The following PCDHGA6 variants were observed in gnomAD, a reference collection of about 807,000 sequenced individuals.
PCDHGA6 encodes the protein protocadherin gamma subfamily A, 6, also known as protocadherin gamma-A6.
Under a neutral mutation model 60.6 loss-of-function variants are expected in PCDHGA6, and 41 were observed. The ratio of observed to expected loss-of-function variants is 0.68; its 90% CI spans 0.53 to 0.88. PCDHGA6 has a LOEUF of 0.88. Ranked by LOEUF, PCDHGA6 falls within the 40% of genes least tolerant of loss-of-function variation. The pLI is 0.00. For synonymous variants in PCDHGA6, 594 were observed against 524.4 expected, an observed-to-expected ratio of 1.13 and a Z score of -1.81; for missense variants, 1,312 against 1,203.0, an observed-to-expected ratio of 1.09 and a Z score of -1.34.
At chr5:141,447,244 A>G (rs1475037979) in intron 1 of PCDHGA6, among the ~76,000 whole-genome samples, 1 of 152,062 alleles carries the variant, frequency 6.6e-6, no homozygotes, top group South Asian at 2.1e-4. Flanking sequence ...GGTTCAAGTG[A>G]TTCTTCTGTC....
intron 1 of PCDHGA6, chr5:141,389,055 A>T: frequency 6.2e-7 from 1 of 1,613,996 alleles, no homozygotes; most frequent in Middle Eastern, 1.6e-4. Flanking sequence ...TGTTCCATTT[A>T]AAATATTAAC....
At chr5:141,408,675 C>T (rs574868088) in intron 1 of PCDHGA6, 14 of 1,613,950 alleles carry the variant, frequency 8.7e-6, no homozygotes, top group Admixed American at 8.3e-5. Flanking sequence ...GACCCTGCCA[C>T]GGATCCTGAT....
rs779538880 is a variant in PCDHGA6, at chr5:141,376,169, G to A, written c.2086G>A (p.Ala696Thr). ...GGACCTCACTCTGTACCTGGTGGTG[G>A]CGGTGGCCGCGGTCTCCTGCGTCTT... ...DSDLTLYLVV[A>T]VAAVSCVFLA... Residue 696 changes from alanine to threonine, a missense_variant, in exon 1 of 4, where the codon GCG becomes ACG. Physicochemically the swap from Ala to Thr is moderately conservative, Grantham distance 58 (BLOSUM62 0). Coordinates refer to ENST00000517434, the MANE Select transcript of PCDHGA6 (RefSeq NM_018919.3). 6 of 1,614,106 alleles carry A rather than the reference G, an allele frequency of 3.7e-6. No individual in the cohort carries two copies. The highest frequency in any genetic ancestry group is 2.7e-5 in the African/African-American group (2 of 75,064).
chr5:141,486,166 G>A lies in PCDHGA6; in HGVS notation c.2425-8641G>A. ...GCGATGGGGGTTCTCCAGCCATGGA[G>A]CAACATTGCAGCCTTCGAGTGGATC... On this transcript the variant is annotated intron_variant, in intron 1 of 3. Coordinates refer to ENST00000517434, the MANE Select transcript of PCDHGA6 (RefSeq NM_018919.3). The surrounding 1 kb of genome is among the most constrained non-coding windows in gnomAD (Gnocchi z 5.0). The A allele has an allele frequency of 2.5e-6, 4 of 1,614,224 alleles. No individual in the cohort carries two copies. The highest frequency in any genetic ancestry group is 3.4e-6 in the Non-Finnish European group (4 of 1,180,040).
At chr5:141,482,667 G>C (rs2099569914) in intron 1 of PCDHGA6, among the ~76,000 whole-genome samples, 1 of 151,094 alleles carries the variant, frequency 6.6e-6, no homozygotes, top group Admixed American at 6.6e-5. Context: ...ATGATCTAAA[G>C]GTTGAGTAGT....
chr5:141,487,109 G>A lies in PCDHGA6; in HGVS notation c.2425-7698G>A. 2 of 1,614,122 alleles carry A rather than the reference G, an allele frequency of 1.2e-6. No homozygotes were observed. Among genetic ancestry groups the A allele is most frequent in the Non-Finnish European group, 1.7e-6 (2 of 1,180,004 alleles). ...CCTCCCACCACAGAAGCTGGTCATTGTGGTAAAGGATAGTGGTAGTCCACC... is the reference window on the plus strand; with the variant it reads ...CCTCCCACCACAGAAGCTGGTCATTATGGTAAAGGATAGTGGTAGTCCACC... On this transcript the variant is annotated intron_variant, in intron 1 of 3. Transcript: ENST00000517434. This position sits in a 1 kb window ranked among gnomAD's most constrained non-coding sequence, Gnocchi z 5.0.
chr5:141,492,695 A>G (rs925499358), intron 1 of PCDHGA6, among the ~76,000 whole-genome samples: 14 of 152,214 alleles, frequency 9.2e-5, no homozygotes, highest in African/African-American at 3.1e-4. Context: ...CGACCCCTCA[A>G]CCCAGAAGCC....
intron 1 of PCDHGA6, chr5:141,409,447 AC>A (rs779658060): frequency 1.4e-4 from 222 of 1,613,890 alleles, no homozygotes; most frequent in Non-Finnish European, 1.8e-4. Context: ...GAGAGCAGAC[AC>A]CAGAATACAA....
intron 1 of PCDHGA6, among the ~76,000 whole-genome samples, chr5:141,425,471 T>A (rs2096877403): frequency 6.6e-6 from 1 of 152,218 alleles, no homozygotes; most frequent in African/African-American, 2.4e-5. Flanking sequence ...TGTTATTAAT[T>A]CCTATGGCAA....
intron 1 of PCDHGA6, among the ~76,000 whole-genome samples, chr5:141,444,029 A>T (rs977610555): frequency 2.6e-5 from 4 of 152,164 alleles, no homozygotes; most frequent in African/African-American, 9.7e-5. Flanking sequence ...AAAGGAATTC[A>T]GTAAATCAGA....
intron 1 of PCDHGA6, chr5:141,413,386 GTC>G: frequency 6.2e-7 from 1 of 1,614,002 alleles, no homozygotes; most frequent in Non-Finnish European, 8.5e-7. Context: ...AGTCCGCATA[GTC>G]TCCAGAGGTA....
intron 1 of PCDHGA6, chr5:141,420,535 T>C (rs1322301404): frequency 6.2e-6 from 2 of 321,930 alleles, no homozygotes; most frequent in African/African-American, 4.3e-5. Flanking sequence ...CGGTTAAAAA[T>C]ATAAAATACA....
chr5:141,403,687 G>A, intron 1 of PCDHGA6: 1 of 1,613,872 alleles, frequency 6.2e-7, no homozygotes, highest in East Asian at 2.2e-5. Context: ...TTGCTCAACG[G>A]ATTTACCGAG....
chr5:141,495,103 C>T (rs1383918796), intron 2 of PCDHGA6, among the ~76,000 whole-genome samples: 2 of 152,132 alleles, frequency 1.3e-5, no homozygotes, highest in Non-Finnish European at 2.9e-5. Context: ...TCGCCACGAC[C>T]GGCACCTTTT....
Position 141,431,072 on chromosome 5 carries a change from A to G in PCDHGA6, c.2424+54565A>G. On this transcript the variant is annotated intron_variant, in intron 1 of 3. Transcript: ENST00000517434. The surrounding 1 kb of genome is among the most constrained non-coding windows in gnomAD (Gnocchi z 4.8). ...TATGGGGGCCATCAAGTGTCAATTA[A>G]ATCTAGACATTCTGATGGAGGATAA... is the stretch of plus-strand genomic sequence containing the variant. 1 of 1,614,220 alleles carries G rather than the reference A, an allele frequency of 6.2e-7. No individual in the cohort carries two copies. Among genetic ancestry groups the G allele is most frequent in the Non-Finnish European group, 8.5e-7 (1 of 1,180,012 alleles).
At chr5:141,468,701 C>A (rs1186497330) in intron 1 of PCDHGA6, 2 of 151,628 alleles carry the variant, frequency 1.3e-5, no homozygotes, top group African/African-American at 2.4e-5. Flanking sequence ...CCCGTCTCTA[C>A]TAAAAATATA....
chr5:141,379,132 AG>A (rs1236158161), intron 1 of PCDHGA6: 1 of 152,236 alleles, frequency 6.6e-6, no homozygotes, highest in East Asian at 1.9e-4. Flanking sequence ...AAAATAAATG[AG>A]AACCTCCTTT....
rs1285420674 is a variant in PCDHGA6 at position 141,409,726 on chromosome 5, C to G, written c.2424+33219C>G. The G allele has an allele frequency of 1.9e-6, 3 of 1,612,982 alleles. No homozygotes were observed. The Admixed American group carries it at 5.0e-5, about 27-fold the overall frequency. On this transcript the variant is annotated intron_variant, in intron 1 of 3. Transcript: ENST00000517434. ...CGGTGTCGTCATACGTGTCAGTGAG[C>G]GCGCAGAGCGGGGTGGTGTTCGCGC...
intron 1 of PCDHGA6, chr5:141,414,054 G>T: frequency 6.2e-7 from 1 of 1,610,250 alleles, no homozygotes; most frequent in South Asian, 1.1e-5. Context: ...ACACGCAATT[G>T]TTGAAGTTCC....
Sources: gnomAD v4.1 joint callset for allele counts (sites outside exome capture counted in the v4.1 genomes callset) on GRCh38, gnomAD v4.1.1 for gene constraint, Gnocchi (gnomAD v3.1) non-coding constraint, MANE v1.5 for transcripts, NCBI Gene and HGNC (gene_info 2026-07-23, HGNC 2026-07-21) for gene names.